EDEM2: variants seen among roughly 807,000 people sequenced by gnomAD.
EDEM2 encodes ER degradation-enhancing alpha-mannosidase-like protein 2.
EDEM2 carries 39 observed loss-of-function variants against 64.8 expected under a neutral mutation model. That is an observed-to-expected ratio of 0.60 (90% CI 0.47 to 0.79). The LOEUF (loss-of-function observed/expected upper bound fraction) is 0.79, where lower values mean the gene tolerates loss of function less well. Among genes scored for constraint, EDEM2 ranks in the 30% least tolerant of loss-of-function variants. The pLI, the probability that EDEM2 is intolerant of heterozygous loss-of-function variation, is 0.00. For synonymous variants in EDEM2, 296 were observed against 291.5 expected, an observed-to-expected ratio of 1.02 and a Z score of -0.16; for missense variants, 609 against 731.3, an observed-to-expected ratio of 0.83 and a Z score of 1.93.
chr20:35,118,478 A>G (rs752665068), intron 10 of EDEM2, 120 bp downstream of exon 10: 3 of 1,450,156 alleles, frequency 2.1e-6, no homozygotes, highest in Non-Finnish European at 2.8e-6. Flanking sequence ...AGCATTATGT[A>G]TATCTCCAAG....
At chr20:35,115,981 T>G in intron 10 of EDEM2, 48 bp from the exon 11 acceptor site, 1 of 1,581,348 alleles carries the variant, frequency 6.3e-7, no homozygotes, top group Non-Finnish European at 8.6e-7. Flanking sequence ...CACAATTTAG[T>G]AGTAAGGGTC....
At chr20:35,121,328 A>T (rs2085365479) in intron 9 of EDEM2, among the ~76,000 whole-genome samples, 1 of 152,138 alleles carries the variant, frequency 6.6e-6, no homozygotes, top group African/African-American at 2.4e-5. Context: ...CACAACCTAG[A>T]TCCCTCACAT....
At chr20:35,136,813 G>A (rs1487995668) in intron 5 of EDEM2, among the ~76,000 whole-genome samples, 3 of 149,714 alleles carry the variant, frequency 2.0e-5, no homozygotes, top group Non-Finnish European at 1.5e-5. Flanking sequence ...AGATGGCCAA[G>A]AGGTGATGGA....
At chr20:35,135,531 A>C (rs1010292566) in intron 5 of EDEM2, among the ~76,000 whole-genome samples, 27 of 152,200 alleles carry the variant, frequency 1.8e-4, no homozygotes, top group African/African-American at 6.5e-4. Flanking sequence ...CACGCCTGTA[A>C]TTCTGGCTAT....
chr20:35,147,047 T>C (rs1341542844), intron 1 of EDEM2, 105 bp downstream of exon 1: 9 of 1,543,952 alleles, frequency 5.8e-6, no homozygotes, highest in Non-Finnish European at 7.9e-6. Context: ...CCCTGGGACC[T>C]AGCGGCTGTG....
intron 8 of EDEM2, among the ~76,000 whole-genome samples, chr20:35,124,298 T>A (rs980763056): frequency 6.6e-6 from 1 of 152,190 alleles, no homozygotes; most frequent in African/African-American, 2.4e-5. Context: ...AGAGTCAATG[T>A]CAGCTAACAG....
At chr20:35,124,122 G>T in intron 8 of EDEM2, 88 bp from the exon 9 acceptor site, 1 of 1,495,560 alleles carries the variant, frequency 6.7e-7, no homozygotes. Flanking sequence ...AAAATCTGTG[G>T]GGCCAAAAAG....
intron 8 of EDEM2, among the ~76,000 whole-genome samples, chr20:35,124,626 C>A (rs1033557406): frequency 3.2e-4 from 48 of 152,304 alleles, no homozygotes; most frequent in African/African-American, 1.1e-3. Flanking sequence ...CCTCAGCCTT[C>A]CAAAGTGCTG....
At chr20:35,144,040 C>G (rs2085695147) in intron 3 of EDEM2, among the ~76,000 whole-genome samples, 1 of 152,032 alleles carries the variant, frequency 6.6e-6, no homozygotes, top group Non-Finnish European at 1.5e-5. Flanking sequence ...TCCTCCCTAA[C>G]AAATGGAGCC....
chr20:35,138,752 T>C (rs1458957599), intron 4 of EDEM2, among the ~76,000 whole-genome samples: 1 of 151,464 alleles, frequency 6.6e-6, no homozygotes, highest in African/African-American at 2.4e-5. Flanking sequence ...GCTAATTTTT[T>C]TGGATTTTTT....
rs553674967 is a variant in EDEM2, at chr20:35,142,656, A to G, written c.259-178T>C. On this transcript the variant is annotated intron_variant, in intron 3 of 10. Coordinates refer to ENST00000374492, the MANE Select transcript of EDEM2 (RefSeq NM_018217.3). ...GAGCTAGAAATCATCTAGAGACTTC[A>G]TACCAAGAGACTGGTTAAGTAAATT... Among the ~76,000 whole-genome samples the G allele has an allele frequency of 4.4e-4, 67 of 152,358 alleles. 1 individual carries two copies. Among genetic ancestry groups the G allele is most frequent in the African/African-American group, 1.6e-3 (67 of 41,582 alleles).
intron 9 of EDEM2, among the ~76,000 whole-genome samples, chr20:35,119,799 T>G (rs1276230676): frequency 6.6e-6 from 1 of 152,114 alleles, no homozygotes; most frequent in Non-Finnish European, 1.5e-5. Context: ...GATGAGAATA[T>G]TTATTCTAGA....
At chr20:35,145,718 C>G (rs981458050) in intron 2 of EDEM2, among the ~76,000 whole-genome samples, 1 of 152,062 alleles carries the variant, frequency 6.6e-6, no homozygotes, top group Non-Finnish European at 1.5e-5. Context: ...TCACTTCAAA[C>G]GAGTGTAGGC....
At chr20:35,121,567 G>T (rs1490278084) in intron 9 of EDEM2, among the ~76,000 whole-genome samples, 2 of 152,194 alleles carry the variant, frequency 1.3e-5, no homozygotes, top group Non-Finnish European at 2.9e-5. Context: ...TGCTCTAGAG[G>T]AAGGAGACAG....
chr20:35,135,273 C>T (rs1348638458), intron 5 of EDEM2, among the ~76,000 whole-genome samples: 1 of 152,196 alleles, frequency 6.6e-6, no homozygotes, highest in Non-Finnish European at 1.5e-5. Context: ...CTTCAAAGCC[C>T]AGGCAGGTAA....
At chr20:35,118,855 A>C in intron 9 of EDEM2, 136 bp from the exon 10 acceptor site, 2 of 1,285,336 alleles carry the variant, frequency 1.6e-6, no homozygotes, top group Non-Finnish European at 2.1e-6. Context: ...AGGATACCTC[A>C]CCCAGTGCTG....
chr20:35,127,816 T>C (rs1428800758), intron 7 of EDEM2, among the ~76,000 whole-genome samples: 2 of 152,212 alleles, frequency 1.3e-5, no homozygotes, highest in African/African-American at 4.8e-5. Flanking sequence ...TAACAACATG[T>C]TGGTCAACAC....
In EDEM2 at chr20:35,147,184, G is replaced by T; in HGVS notation, c.75C>A (p.Pro25=). 6.2e-7 allele frequency: 1 copy of T among 1,602,636 alleles called. No individual in the cohort carries two copies. ...LLPQHHGAPG[P]DGSAPDPAHY... ...GGGCGGGATCTGGCGCGGAGCCGTC[G>T]GGACCTGGCGCACCATGGTGCTGAG... The change falls in exon 1 of 11, where the codon CCC becomes CCA. Residue 25 remains proline (P), a synonymous_variant. Transcript: ENST00000374492.
Position 35,131,649 on chromosome 20 carries a change from C to T in EDEM2, c.837G>A (p.Met279Ile). The T allele has an allele frequency of 6.2e-7, 1 of 1,613,872 alleles. No individual in the cohort carries two copies. The highest frequency in any genetic ancestry group is 1.1e-5 in the South Asian group (1 of 91,070). ...TTACTCTGCCATTTTTACCTAGGAA[C>T]ATGGCCATGAGCTTCTTATCCTGAA... The part of the protein sequence containing the change: ...ILLQDKKLMA[M>I]FLEYNKAIRN... The change falls in exon 7 of 11, where the codon ATG becomes ATA. Residue 279 changes from methionine to isoleucine, a missense_variant. Transcript: ENST00000374492.
Sources: gnomAD v4.1 joint callset for allele counts (sites outside exome capture counted in the v4.1 genomes callset) on GRCh38, gnomAD v4.1.1 for gene constraint, MANE v1.5 for transcripts, NCBI Gene and HGNC (gene_info 2026-07-23, HGNC 2026-07-21) for gene names.